The following LRP1B variants were observed in gnomAD, a reference collection of about 807,000 sequenced individuals.
LRP1B encodes the protein LDL receptor related protein 1B.
In LRP1B, 217 loss-of-function variants were observed where a neutral mutation model predicts 556.6. The observed-to-expected ratio is 0.39, with a 90% CI of 0.35 to 0.44. LRP1B has a LOEUF of 0.44. Ranked by LOEUF, LRP1B falls within the 20% of genes least tolerant of loss-of-function variation. LRP1B has a pLI of 1.00. For missense variants in LRP1B, 5,053 were observed against 5,620.8 expected, an observed-to-expected ratio of 0.90 and a Z score of 3.23; for synonymous variants, 2,047 against 1,865.8, an observed-to-expected ratio of 1.10 and a Z score of -2.50.
chr2:141,625,057 C>T (rs544501219), intron 2 of LRP1B, among the ~76,000 whole-genome samples: 7 of 152,294 alleles, frequency 4.6e-5, no homozygotes, highest in Admixed American at 1.3e-4. Context: ...CGTGAGCCAC[C>T]GCACCTGGCA....
chr2:140,695,011 T>C (rs928586183), intron 41 of LRP1B, among the ~76,000 whole-genome samples: 3 of 151,842 alleles, frequency 2.0e-5, no homozygotes, highest in Admixed American at 1.3e-4. Flanking sequence ...CTTTGCTTCT[T>C]TGATGAACCC....
At chr2:140,355,732 G>C (rs933181879) in intron 75 of LRP1B, among the ~76,000 whole-genome samples, 8 of 151,912 alleles carry the variant, frequency 5.3e-5, no homozygotes, top group Admixed American at 1.3e-4. Context: ...TGCAGAAAGT[G>C]CATATGGGTC....
At chr2:142,074,239 GT>G (rs1343344548) in intron 1 of LRP1B, among the ~76,000 whole-genome samples, 1 of 152,030 alleles carries the variant, frequency 6.6e-6, no homozygotes, top group Non-Finnish European at 1.5e-5. Flanking sequence ...ATACTGGCAA[GT>G]TTTATTACCT....
At chr2:141,775,610 A>G (rs1695039694) in intron 2 of LRP1B, among the ~76,000 whole-genome samples, 1 of 152,170 alleles carries the variant, frequency 6.6e-6, no homozygotes, top group Non-Finnish European at 1.5e-5. Flanking sequence ...GAGGGTTATT[A>G]CCTGGTGGCA....
intron 6 of LRP1B, among the ~76,000 whole-genome samples, chr2:141,216,134 C>G (rs1682802276): frequency 6.6e-6 from 1 of 152,188 alleles, no homozygotes; most frequent in African/African-American, 2.4e-5. Context: ...CTCTGCTGCT[C>G]TGCACAGCCT....
intron 41 of LRP1B, among the ~76,000 whole-genome samples, chr2:140,623,736 T>C (rs930740321): frequency 2.0e-5 from 3 of 151,584 alleles, no homozygotes; most frequent in Admixed American, 6.6e-5. Context: ...CTGGGCAACA[T>C]AGTAAAACCC....
At chr2:140,894,441 C>G (rs1693888160) in intron 23 of LRP1B, among the ~76,000 whole-genome samples, 1 of 151,504 alleles carries the variant, frequency 6.6e-6, no homozygotes, top group South Asian at 2.1e-4. Context: ...CCAAGAAACA[C>G]TGTGAAGAAA....
intron 66 of LRP1B, among the ~76,000 whole-genome samples, chr2:140,417,772 C>CA (rs1685263155): frequency 6.6e-6 from 1 of 152,004 alleles, no homozygotes; most frequent in Admixed American, 6.6e-5. Flanking sequence ...GTTGGCTAGC[C>CA]AAAAAATGTC....
intron 7 of LRP1B, among the ~76,000 whole-genome samples, chr2:141,165,682 T>C (rs961139095): frequency 6.6e-6 from 1 of 151,932 alleles, no homozygotes; most frequent in Non-Finnish European, 1.5e-5. Context: ...ATTAAGGAAA[T>C]TGGAATAACA....
At chr2:141,338,003 A>T (rs1687909461) in intron 3 of LRP1B, among the ~76,000 whole-genome samples, 2 of 152,180 alleles carry the variant, frequency 1.3e-5, no homozygotes, top group South Asian at 4.1e-4. Flanking sequence ...GAGGATGCTG[A>T]TATTTTAATG....
intron 31 of LRP1B, among the ~76,000 whole-genome samples, chr2:140,830,255 A>G (rs1197143138): frequency 6.6e-6 from 1 of 152,112 alleles, no homozygotes; most frequent in African/African-American, 2.4e-5. Context: ...TTCCAAACTC[A>G]TTCTAAGAGG....
intron 1 of LRP1B, among the ~76,000 whole-genome samples, chr2:141,909,560 T>A (rs1015708656): frequency 3.5e-4 from 33 of 95,038 alleles, no homozygotes; most frequent in East Asian, 1.3e-3. Context: ...TTTTTTTTTT[T>A]ACCTCTGGAG....
intron 66 of LRP1B, among the ~76,000 whole-genome samples, chr2:140,414,475 T>A (rs1279773291): frequency 6.6e-6 from 1 of 152,130 alleles, no homozygotes; most frequent in African/African-American, 2.4e-5. Flanking sequence ...CATGTAATAG[T>A]GATTTACCTA....
At chr2:140,996,325 A>G (rs1266021202) in intron 15 of LRP1B, among the ~76,000 whole-genome samples, 3 of 152,120 alleles carry the variant, frequency 2.0e-5, no homozygotes, top group African/African-American at 4.8e-5. Context: ...CTTTAGGTTC[A>G]TGATAATAGG....
chr2:141,516,385 G>A (rs1158580525), intron 2 of LRP1B, among the ~76,000 whole-genome samples: 2 of 152,034 alleles, frequency 1.3e-5, no homozygotes, highest in African/African-American at 4.8e-5. Flanking sequence ...AACCATCATT[G>A]ATATTCTAAA....
intron 2 of LRP1B, among the ~76,000 whole-genome samples, chr2:141,597,997 A>T (rs537097600): frequency 2.0e-4 from 31 of 152,202 alleles, no homozygotes; most frequent in Admixed American, 5.2e-4. Flanking sequence ...AAAATGGCCT[A>T]CACTGAACTA....
chr2:141,918,228 A>G (rs544346341), intron 1 of LRP1B, among the ~76,000 whole-genome samples: 2 of 152,026 alleles, frequency 1.3e-5, no homozygotes, highest in East Asian at 1.9e-4. Flanking sequence ...ATAAATTATA[A>G]TTATTTTCTT....
At chr2:141,618,753 C>T (rs1298711404) in intron 2 of LRP1B, among the ~76,000 whole-genome samples, 3 of 152,176 alleles carry the variant, frequency 2.0e-5, no homozygotes, top group Non-Finnish European at 4.4e-5. Context: ...TCCTTAGTCT[C>T]TGCTGCTGAA....
intron 1 of LRP1B, among the ~76,000 whole-genome samples, chr2:141,886,805 A>C (rs1699128708): frequency 6.6e-6 from 1 of 151,972 alleles, no homozygotes; most frequent in Non-Finnish European, 1.5e-5. Context: ...TTCTGCCTTC[A>C]TCCTTAAATT....
Sources: gnomAD v4.1 joint callset for allele counts (sites outside exome capture counted in the v4.1 genomes callset) on GRCh38, gnomAD v4.1.1 for gene constraint, MANE v1.5 for transcripts, NCBI Gene and HGNC (gene_info 2026-07-23, HGNC 2026-07-21) for gene names.